ASL: variants seen among roughly 807,000 people sequenced by gnomAD.
The protein encoded by ASL is argininosuccinase.
A neutral mutation model predicts 69.1 loss-of-function variants in ASL; 51 were observed. That is an observed-to-expected ratio of 0.74 (90% CI 0.59 to 0.93). The LOEUF is 0.93. Ranked by LOEUF, ASL falls within the 40% of genes least tolerant of loss-of-function variation. The pLI is 0.00. For missense variants in ASL, 540 were observed against 623.9 expected, an observed-to-expected ratio of 0.87 and a Z score of 1.43; for synonymous variants, 241 against 247.6, an observed-to-expected ratio of 0.97 and a Z score of 0.25.
chr7:66,077,082 A>G (rs1390881415), intron 2 of ASL, among the ~76,000 whole-genome samples: 2 of 152,150 alleles, frequency 1.3e-5, no homozygotes, highest in Non-Finnish European at 2.9e-5. Context: ...TGCCCACCTC[A>G]TAAAAGGCCG....
In ASL at chr7:66,083,063, T is replaced by A. The variant is rs1363001718; in HGVS notation, c.349-14T>A. On this transcript the variant is annotated splice_polypyrimidine_tract_variant and intron_variant, in intron 5 of 16. Coordinates refer to ENST00000304874, the MANE Select transcript of ASL (RefSeq NM_000048.4). Reference sequence around the variant, plus strand: ...CACATCGGCCTCCCTGAGCACCATCTCCTCCTTGCACAGGTGGTCACAGAC... The same window carrying A: ...CACATCGGCCTCCCTGAGCACCATCACCTCCTTGCACAGGTGGTCACAGAC... The A allele has an allele frequency of 6.2e-7, 1 of 1,613,678 alleles. No homozygotes were observed. Among genetic ancestry groups the A allele is most frequent in the Non-Finnish European group, 8.5e-7 (1 of 1,179,934 alleles).
chr7:66,086,075 G>C (rs1333615376), intron 6 of ASL, among the ~76,000 whole-genome samples: 1 of 152,084 alleles, frequency 6.6e-6, no homozygotes, highest in Admixed American at 6.6e-5. Flanking sequence ...GCAACAGAAC[G>C]AGACCTTGTC....
At chr7:66,092,128 G>T (rs1489077698) in intron 15 of ASL, 42 bp downstream of exon 15, 1 of 1,594,478 alleles carries the variant, frequency 6.3e-7, no homozygotes. Context: ...GAGATGGGGT[G>T]CCCCCCCCAG....
At chr7:66,085,898 G>A (rs772175147) in intron 6 of ASL, among the ~76,000 whole-genome samples, 3 of 152,098 alleles carry the variant, frequency 2.0e-5, no homozygotes, top group East Asian at 3.9e-4. Context: ...GTGAGTTACC[G>A]CGCCTGGCCA....
chr7:66,084,145 G>GTTGTTGTTGT (rs1786592188), intron 6 of ASL, among the ~76,000 whole-genome samples: 1 of 151,302 alleles, frequency 6.6e-6, no homozygotes, highest in Non-Finnish European at 1.5e-5. Context: ...TTAATTTTTT[G>GTTGTTGTTGT]TTGTTGTTGT....
intron 14 of ASL, among the ~76,000 whole-genome samples, chr7:66,091,097 C>T (rs1311045168): frequency 1.4e-5 from 1 of 73,420 alleles, no homozygotes; most frequent in Non-Finnish European, 2.7e-5. Flanking sequence ...GACTCCATCT[C>T]AAAAAAAAAA....
At chr7:66,077,816 G>T (rs1786391897) in intron 2 of ASL, among the ~76,000 whole-genome samples, 1 of 152,176 alleles carries the variant, frequency 6.6e-6, no homozygotes, top group African/African-American at 2.4e-5. Flanking sequence ...ATTCAACCCA[G>T]CCCAACTCAG....
chr7:66,082,358 C>T lies in ASL; in HGVS notation c.208-10C>T. ...TCACCTGACCCCGGCATTGCTGCTACCCACTACAGGTGGCTGAGGAGTGGG... is the reference window on the plus strand; with the variant it reads ...TCACCTGACCCCGGCATTGCTGCTATCCACTACAGGTGGCTGAGGAGTGGG... On this transcript the variant is annotated splice_polypyrimidine_tract_variant and intron_variant, in intron 3 of 16. Coordinates refer to ENST00000304874, the MANE Select transcript of ASL (RefSeq NM_000048.4). 6.2e-7 allele frequency: 1 copy of T among 1,609,564 alleles called. No individual in the cohort carries two copies. Among genetic ancestry groups the T allele is most frequent in the African/African-American group, 1.3e-5 (1 of 75,012 alleles).
Position 66,081,810 on chromosome 7 carries a change from A to T in ASL, c.20A>T (p.Lys7Met), listed in dbSNP as rs200194982. 1 of 1,613,274 alleles carries T rather than the reference A, an allele frequency of 6.2e-7. No homozygotes were observed. Among genetic ancestry groups the T allele is most frequent in the East Asian group, 2.2e-5 (1 of 44,862 alleles). ...TCTTGCTCTCCTGGCCAGAGTGGGAAGCTTTGGGGTGGCCGGTTTGTGGGT... is the reference window on the plus strand; with the variant it reads ...TCTTGCTCTCCTGGCCAGAGTGGGATGCTTTGGGGTGGCCGGTTTGTGGGT... MASESG[K>M]LWGGRFVGAV... is the part of the protein sequence containing the mutation. The change falls in exon 3 of 17, where the codon AAG becomes ATG. Residue 7 changes from lysine (K) to methionine (M), a missense_variant. By Grantham distance (95) the Lys-to-Met change is moderately conservative. Coordinates refer to ENST00000304874, the MANE Select transcript of ASL (RefSeq NM_000048.4).
intron 4 of ASL, 73 bp downstream of exon 4, chr7:66,082,524 G>A: frequency 6.7e-7 from 1 of 1,496,556 alleles, no homozygotes; most frequent in South Asian, 1.2e-5. Context: ...TTGAGCATTA[G>A]CACCATTCTG....
rs115069006 is a variant in ASL, at chr7:66,081,868, G to C, written c.78G>C (p.Ala26=). 4 of 1,613,956 alleles carry C rather than the reference G, an allele frequency of 2.5e-6. No homozygotes were observed. Among genetic ancestry groups the C allele is most frequent in the Non-Finnish European group, 3.4e-6 (4 of 1,180,048 alleles). The change falls in exon 3 of 17, where the codon GCG becomes GCC. Residue 26 remains alanine, a synonymous_variant. Transcript: ENST00000304874. ...AVDPIMEKFN[A]SIAYDRHLWE... ...ACCCCATCATGGAGAAGTTCAACGC[G>C]TCCATTGCCTACGACCGGCACCTTT...
intron 14 of ASL, chr7:66,091,710 C>G (rs1240597138): frequency 9.4e-6 from 4 of 424,552 alleles, no homozygotes; most frequent in Non-Finnish European, 1.8e-5. Flanking sequence ...GAGCAAGACC[C>G]TGTCTCCTAA....
At chr7:66,077,813 C>T (rs1786391823) in intron 2 of ASL, among the ~76,000 whole-genome samples, 1 of 152,196 alleles carries the variant, frequency 6.6e-6, no homozygotes, top group African/African-American at 2.4e-5. Context: ...CTCATTCAAC[C>T]CAGCCCAACT....
At chr7:66,086,843 C>A in intron 8 of ASL, 22 bp downstream of exon 8, 1 of 1,558,898 alleles carries the variant, frequency 6.4e-7, no homozygotes, top group African/African-American at 1.4e-5. Context: ...TCCAGTGCCC[C>A]GAGGGCCTGG....
At chr7:66,080,474 G>C (rs1288771994) in intron 2 of ASL, among the ~76,000 whole-genome samples, 1 of 150,582 alleles carries the variant, frequency 6.6e-6, no homozygotes, top group Non-Finnish European at 1.5e-5. Flanking sequence ...GTAATCCCAA[G>C]CACTTCGGGA....
At chr7:66,087,566 G>A (rs1036536909) in intron 9 of ASL, 163 bp from the exon 10 acceptor site, 8 of 972,650 alleles carry the variant, frequency 8.2e-6, no homozygotes, top group African/African-American at 1.6e-5. Flanking sequence ...GCCTGGTACT[G>A]AGAGACTCAG....
intron 2 of ASL, among the ~76,000 whole-genome samples, chr7:66,080,048 G>T (rs901167274): frequency 6.6e-6 from 1 of 151,892 alleles, no homozygotes; most frequent in Non-Finnish European, 1.5e-5. Context: ...TGGTGCCACC[G>T]CACTCCAACC....
At chr7:66,086,244 C>T (rs1786658159) in intron 6 of ASL, among the ~76,000 whole-genome samples, 1 of 152,150 alleles carries the variant, frequency 6.6e-6, no homozygotes. Flanking sequence ...TCAAACGAAA[C>T]CTCCCACGGC....
At chr7:66,090,816 G>A (rs559189329) in intron 14 of ASL, among the ~76,000 whole-genome samples, 2 of 152,062 alleles carry the variant, frequency 1.3e-5, no homozygotes, top group East Asian at 3.9e-4. Context: ...AGTGTTTCTT[G>A]GCTGGGTGCA....
Sources: gnomAD v4.1 joint callset for allele counts (sites outside exome capture counted in the v4.1 genomes callset) on GRCh38, gnomAD v4.1.1 for gene constraint, MANE v1.5 for transcripts, NCBI Gene and HGNC (gene_info 2026-07-23, HGNC 2026-07-21) for gene names.